GPC3: variants seen among roughly 807,000 people sequenced by gnomAD.
The protein encoded by GPC3 is glypican-3.
A neutral mutation model predicts 34.4 loss-of-function variants in GPC3; 3 were observed. That is an observed-to-expected ratio of 0.09 (90% confidence interval 0.04 to 0.23). The LOEUF (loss-of-function observed/expected upper bound fraction) is 0.23, where lower values mean the gene tolerates loss of function less well. Ranked by LOEUF, GPC3 falls within the 10% of genes least tolerant of loss-of-function variation. GPC3 has a pLI of 1.00. For missense variants in GPC3, 351 were observed against 445.6 expected (o/e 0.79, Z 1.91); for synonymous variants, 177 against 174.0 (o/e 1.02, Z -0.13).
intron 2 of GPC3, among the ~76,000 whole-genome samples, chrX:133,891,868 T>C (rs2076089547): frequency 9.1e-6 from 1 of 110,055 alleles, no homozygotes; most frequent in Non-Finnish European, 1.9e-5. Context: ...AAAATTATTT[T>C]TAAAGTAACT....
At chrX:133,761,898 C>T (rs2071795663) in intron 2 of GPC3, among the ~76,000 whole-genome samples, 1 of 111,989 alleles carries the variant, frequency 8.9e-6, no homozygotes, top group Non-Finnish European at 1.9e-5. Flanking sequence ...TTATGGTCTG[C>T]TTCTATCAAG....
intron 2 of GPC3, among the ~76,000 whole-genome samples, chrX:133,871,108 T>G (rs1327888548): frequency 8.9e-6 from 1 of 111,837 alleles, no homozygotes; most frequent in Non-Finnish European, 1.9e-5. Flanking sequence ...CCTGTATTTC[T>G]GACTCCCTCT....
rs1603208011 is a variant in GPC3, at chrX:133,644,827, C to T, written c.1413+16903G>A. Among the ~76,000 whole-genome samples, 4 of 111,170 alleles carry T rather than the reference C, an allele frequency of 3.6e-5. No individual in the cohort carries two copies. In the Middle Eastern group the frequency reaches 0.018, roughly 510 times the overall value. ...ACAGAGTCTCAATTTGTCACCCAGG[C>T]TGGAGTGCAGTGGCACGATCTTGGC... On this transcript the variant is annotated intron_variant, in intron 6 of 7. Coordinates refer to ENST00000370818, the MANE Select transcript of GPC3 (RefSeq NM_004484.4).
intron 6 of GPC3, among the ~76,000 whole-genome samples, chrX:133,659,485 C>A (rs1454188601): frequency 8.9e-6 from 1 of 111,869 alleles, no homozygotes. Context: ...CAGATCTTAA[C>A]ACTTGCCCCT....
chrX:133,913,982 A>G (rs2076212388), intron 2 of GPC3, among the ~76,000 whole-genome samples: 1 of 110,444 alleles, frequency 9.1e-6, no homozygotes, highest in Non-Finnish European at 1.9e-5. Flanking sequence ...CTTCCCTTGT[A>G]TTACACAAAG....
At chrX:133,720,285 T>C (rs1320737667) in intron 3 of GPC3, among the ~76,000 whole-genome samples, 1 of 112,378 alleles carries the variant, frequency 8.9e-6, no homozygotes, top group Non-Finnish European at 1.9e-5. Flanking sequence ...CCTAAATGCC[T>C]GATATGGTTT....
intron 2 of GPC3, among the ~76,000 whole-genome samples, chrX:133,867,836 G>A (rs2075975477): frequency 9.3e-6 from 1 of 107,109 alleles, no homozygotes; most frequent in African/African-American, 3.4e-5. Flanking sequence ...ATGGTGCGCA[G>A]AGAAAGAGAG....
intron 2 of GPC3, among the ~76,000 whole-genome samples, chrX:133,942,916 C>T (rs1364925089): frequency 2.7e-5 from 3 of 111,585 alleles, no homozygotes; most frequent in African/African-American, 9.7e-5. Context: ...TCTTTTAAAT[C>T]AGTTAATGAT....
At chrX:133,887,924 C>CTT (rs1261840835) in intron 2 of GPC3, among the ~76,000 whole-genome samples, 157 of 96,529 alleles carry the variant, frequency 1.6e-3, no homozygotes, top group African/African-American at 5.3e-3. Flanking sequence ...AGACAGAATT[C>CTT]TTTTTTTTTT....
At chrX:133,922,834 CA>C (rs1262834342) in intron 2 of GPC3, among the ~76,000 whole-genome samples, 1 of 111,116 alleles carries the variant, frequency 9.0e-6, no homozygotes, top group Non-Finnish European at 1.9e-5. Flanking sequence ...GTAAGGATGA[CA>C]GGGGTGACAA....
intron 2 of GPC3, among the ~76,000 whole-genome samples, chrX:133,877,148 A>G (rs1029118010): frequency 3.6e-5 from 4 of 111,982 alleles, no homozygotes; most frequent in Admixed American, 1.9e-4. Flanking sequence ...AAACATATTG[A>G]AGATATAAAA....
intron 5 of GPC3, among the ~76,000 whole-genome samples, chrX:133,687,092 ATTTTTTTTT>A (rs775110101): frequency 1.4e-5 from 1 of 69,280 alleles, no homozygotes; most frequent in African/African-American, 7.9e-5. Context: ...TGGCCGGCTA[ATTTTTTTTT>A]TTTTTTTTTT....
At chrX:133,633,320 C>T (rs1478196282) in intron 6 of GPC3, among the ~76,000 whole-genome samples, 1 of 111,917 alleles carries the variant, frequency 8.9e-6, no homozygotes, top group Non-Finnish European at 1.9e-5. Flanking sequence ...TGTTCTGAGT[C>T]CTCATTGTTT....
At chrX:133,623,557 CAAAG>C (rs760217852) in intron 6 of GPC3, among the ~76,000 whole-genome samples, 26 of 111,751 alleles carry the variant, frequency 2.3e-4, no homozygotes, top group Non-Finnish European at 3.6e-4. Context: ...TCAAAAGAGA[CAAAG>C]AAGGCCATTA....
At chrX:133,584,527 G>A (rs767233435) in intron 7 of GPC3, among the ~76,000 whole-genome samples, 32 of 111,808 alleles carry the variant, frequency 2.9e-4, no homozygotes, top group Non-Finnish European at 5.8e-4. Flanking sequence ...CACCCAGGCC[G>A]AAGTGCAGTG....
chrX:133,704,442 T>A (rs1421245365), intron 3 of GPC3, among the ~76,000 whole-genome samples: 1 of 106,344 alleles, frequency 9.4e-6, no homozygotes, highest in Non-Finnish European at 2.0e-5. Context: ...TCACACGAGA[T>A]CCTTTAGAAA....
intron 2 of GPC3, among the ~76,000 whole-genome samples, chrX:133,761,457 T>C (rs1047931333): frequency 1.8e-5 from 2 of 112,260 alleles, no homozygotes; most frequent in Admixed American, 9.5e-5. Flanking sequence ...CCTGTAAATA[T>C]ATACAGTCTT....
intron 2 of GPC3, among the ~76,000 whole-genome samples, chrX:133,916,224 T>C (rs2076224306): frequency 9.1e-6 from 1 of 110,352 alleles, no homozygotes; most frequent in Non-Finnish European, 1.9e-5. Flanking sequence ...TAAAATGGCA[T>C]TGGCATCCAC....
intron 7 of GPC3, among the ~76,000 whole-genome samples, chrX:133,589,603 C>A (rs1301343779): frequency 2.7e-5 from 3 of 110,496 alleles, no homozygotes; most frequent in Non-Finnish European, 5.7e-5. Context: ...CTTGAACTCC[C>A]GACTTCAGGT....
Sources: allele counts gnomAD v4.1 joint callset (sites outside exome capture counted in the v4.1 genomes callset), GRCh38; gene constraint gnomAD v4.1.1; transcripts MANE v1.5; gene names NCBI Gene and HGNC (gene_info 2026-07-23, HGNC 2026-07-21).